Variants in CRKL observed in about 807,000 individuals in gnomAD.
CRKL encodes the protein crk-like protein.
CRKL carries 3 observed loss-of-function variants against 23.0 expected under a neutral mutation model. The observed-to-expected ratio is 0.13, with a 90% CI of 0.06 to 0.34. The LOEUF (loss-of-function observed/expected upper bound fraction) is 0.34. Among genes scored for constraint, CRKL ranks in the 10% least tolerant of loss-of-function variants. The probability of loss-of-function intolerance (pLI) is 1.00; values close to 1 mark genes in which losing one functional copy is unlikely to be tolerated. For synonymous variants in CRKL, 188 were observed against 160.7 expected (o/e 1.17, Z -1.28); for missense variants, 256 against 394.5 (o/e 0.65, Z 2.97).
At chr22:20,929,588 C>T (rs1393636676) in intron 1 of CRKL, among the ~76,000 whole-genome samples, 2 of 152,162 alleles carry the variant, frequency 1.3e-5, no homozygotes, top group Non-Finnish European at 2.9e-5. Context: ...CTCAGCCTCC[C>T]AAGTAGCTGG....
chr22:20,918,912 ACTT>A (rs1929789710), intron 1 of CRKL, among the ~76,000 whole-genome samples: 1 of 151,658 alleles, frequency 6.6e-6, no homozygotes. Context: ...TAAGCCATAG[ACTT>A]CTTTGAGAAT....
chr22:20,947,163 GA>G (rs57667345), intron 2 of CRKL, among the ~76,000 whole-genome samples: 116,289 of 151,896 alleles, frequency 0.77, 45,077 homozygotes, highest in East Asian at 0.92. Flanking sequence ...GTAGCTCCTT[GA>G]ATCCTGTGCT....
Position 20,918,920 on chromosome 22 carries a change from G to A in CRKL, c.311+675G>A, listed in dbSNP as rs562847924. Among the ~76,000 whole-genome samples the A allele has an allele frequency of 2.4e-4, 36 of 151,898 alleles. 1 individual carries two copies. The East Asian group carries it at 6.4e-3, about 27-fold the overall frequency. On this transcript the variant is annotated intron_variant, in intron 1 of 2. Coordinates refer to ENST00000354336, the MANE Select transcript of CRKL (RefSeq NM_005207.4). ...CCGTTTTTAAGCCATAGACTTCTTT[G>A]AGAATCTGAAGATAGCCGAGCACTC...
In CRKL at chr22:20,934,042, A is replaced by C; in HGVS notation, c.575A>C (p.Asn192Thr). ...TCCTCACCACACGGAAAGCATGGAAATAGGAATTCCAACAGTTATGGGATC... is the reference window on the plus strand; with the variant it reads ...TCCTCACCACACGGAAAGCATGGAACTAGGAATTCCAACAGTTATGGGATC... ...VRSSPHGKHG[N>T]RNSNSYGIPE... The change falls in exon 2 of 3, where the codon AAT (asparagine) becomes ACT (threonine). Residue 192 changes from asparagine (N) to threonine (T), a missense_variant. This residue lies in a region of CRKL where 129 missense variants were observed against 222.1 expected (regional missense o/e 0.58). Coordinates refer to ENST00000354336, the MANE Select transcript of CRKL (RefSeq NM_005207.4). 1 of 1,614,180 alleles carries C rather than the reference A, an allele frequency of 6.2e-7. No homozygotes were observed. The highest frequency in any genetic ancestry group is 8.5e-7 in the Non-Finnish European group (1 of 1,180,020).
rs1187984983 is a variant in CRKL at position 20,941,538 on chromosome 22, A to ATGTGTGTGTGTG, written c.777+7324_777+7335dup. The stretch of plus-strand genomic sequence containing the variant: ...GTATGTGTATATATATATATATTTT[A>ATGTGTGTGTGTG]TGTGTGTGTGTGTGTGTGTGTGTGT... On this transcript the variant is annotated intron_variant, in intron 2 of 2. Transcript: ENST00000354336. Among the ~76,000 whole-genome samples, 25 of 50,426 alleles carry ATGTGTGTGTGTG rather than the reference A, an allele frequency of 5.0e-4. 4 individuals carry two copies. Among genetic ancestry groups the ATGTGTGTGTGTG allele is most frequent in the South Asian group, 9.4e-4 (1 of 1,060 alleles). The allele number at this position is 50,426 out of a possible 152,430, so 33.1% of individuals were successfully genotyped here. A position where few individuals can be genotyped will look rare whatever the true frequency, so the allele number is the denominator to read the frequency against.
chr22:20,952,195 C>A lies in CRKL; in HGVS notation c.*2350C>A, dbSNP rs918636951. On this transcript the variant is annotated 3_prime_UTR_variant, in exon 3 of 3. Transcript: ENST00000354336. ...CCAGATTTAGCTGAAGGGCTTGACA[C>A]CTTTGAATTACAGCAGTTGACTCAG... 4.4e-6 allele frequency: 1 copy of A among 228,462 alleles called. No homozygotes were observed. Among genetic ancestry groups the A allele is most frequent in the Non-Finnish European group, 8.6e-6 (1 of 116,030 alleles). 14.2% of individuals were successfully genotyped at this position (228,462 alleles called of 1,614,324 possible).
intron 1 of CRKL, among the ~76,000 whole-genome samples, chr22:20,927,137 G>A (rs1473228186): frequency 0.037 from 2,993 of 81,160 alleles, 4 homozygotes; most frequent in African/African-American, 0.054. Flanking sequence ...AAAAAAAAAA[G>A]AATGGTGGTT....
chr22:20,927,259 C>T lies in CRKL; in HGVS notation c.312-6520C>T, dbSNP rs147302930. On this transcript the variant is annotated intron_variant, in intron 1 of 2. Transcript: ENST00000354336. ...AGGCTGAAGTGCAGTGGCATGATCT[C>T]GGTTCACTGCAGTCTCCACCTCCCG... Among the ~76,000 whole-genome samples, 703 of 121,246 alleles carry T rather than the reference C, an allele frequency of 5.8e-3. 4 individuals are homozygous for T. The highest frequency in any genetic ancestry group is 0.056 in the East Asian group (198 of 3,548). The allele number at this position is 121,246 out of a possible 152,430, so 79.5% of individuals were successfully genotyped here.
intron 1 of CRKL, among the ~76,000 whole-genome samples, chr22:20,927,404 C>A (rs1453880207): frequency 6.7e-6 from 1 of 149,296 alleles, no homozygotes; most frequent in Non-Finnish European, 1.5e-5. Flanking sequence ...TTGGACCAGG[C>A]TGGTCTCAAA....
Position 20,950,115 on chromosome 22 carries a change from T to G in CRKL, c.*270T>G, listed in dbSNP as rs766255001. ...ATGGAAGCACACAAGTGGAGAGAAG[T>G]TGACATGGAAAGGGTCTTCCTTCTC... On this transcript the variant is annotated 3_prime_UTR_variant, in exon 3 of 3. Coordinates refer to ENST00000354336, the MANE Select transcript of CRKL (RefSeq NM_005207.4). The G allele has an allele frequency of 2.3e-6, 1 of 442,540 alleles. No homozygotes were observed. Among genetic ancestry groups the G allele is most frequent in the Non-Finnish European group, 4.0e-6 (1 of 253,088 alleles). The allele number at this position is 442,540 out of a possible 1,614,324, so 27.4% of individuals were successfully genotyped here.
intron 2 of CRKL, among the ~76,000 whole-genome samples, chr22:20,937,204 GC>G (rs1425184827): frequency 6.6e-6 from 1 of 152,150 alleles, no homozygotes; most frequent in African/African-American, 2.4e-5. Context: ...ACAGGTGCAT[GC>G]CTCTGGCCTG....
intron 1 of CRKL, among the ~76,000 whole-genome samples, chr22:20,918,876 C>A (rs1929787943): frequency 6.6e-6 from 1 of 152,136 alleles, no homozygotes; most frequent in Admixed American, 6.5e-5. Context: ...AGGCGTGAGC[C>A]ACCACACCCG....
At chr22:20,943,427 G>A (rs1921948004) in intron 2 of CRKL, among the ~76,000 whole-genome samples, 2 of 152,016 alleles carry the variant, frequency 1.3e-5, no homozygotes, top group Non-Finnish European at 2.9e-5. Flanking sequence ...TTTTAGTAGA[G>A]ATGGGGTTTT....
rs1922362825 is a variant in CRKL at position 20,953,747 on chromosome 22, A to T, written c.*3902A>T. 5.5e-6 allele frequency: 1 copy of T among 181,842 alleles called. No homozygotes were observed. The highest frequency in any genetic ancestry group is 6.3e-5 in the Admixed American group (1 of 15,936). The allele number at this position is 181,842 out of a possible 1,614,324, so 11.3% of individuals were successfully genotyped here. A position where few individuals can be genotyped will look rare whatever the true frequency, so the allele number is the denominator to read the frequency against. On this transcript the variant is annotated 3_prime_UTR_variant, in exon 3 of 3. Transcript: ENST00000354336. Reference sequence around the variant, plus strand: ...ACTTGCATCAGCCGGTGGTGGCGGCAGCTTCGGTGTTTCAGTGTCTCCTCA... The same window carrying T: ...ACTTGCATCAGCCGGTGGTGGCGGCTGCTTCGGTGTTTCAGTGTCTCCTCA...
In CRKL at chr22:20,927,842, CAAAAAAAAAAAAAAA is replaced by C. The variant is rs796204860; in HGVS notation, c.312-5927_312-5913del. ...TGGGTAACAGAGCAAGACTCTGTCT[CAAAAAAAAAAAAAAA>C]AAAAAAAAAGGAAAAAGAGTAAGCC... On this transcript the variant is annotated intron_variant, in intron 1 of 2. Coordinates refer to ENST00000354336, the MANE Select transcript of CRKL (RefSeq NM_005207.4). Among the ~76,000 whole-genome samples, 49 of 56,264 alleles carry C rather than the reference CAAAAAAAAAAAAAAA, an allele frequency of 8.7e-4. 1 individual carries two copies. The highest frequency in any genetic ancestry group is 3.0e-3 in the African/African-American group (48 of 15,914). 36.9% of individuals were successfully genotyped at this position (56,264 alleles called of 152,430 possible). A position where few individuals can be genotyped will look rare whatever the true frequency, so the allele number is the denominator to read the frequency against.
chr22:20,940,566 CTTT>C (rs55853175), intron 2 of CRKL, among the ~76,000 whole-genome samples: 2 of 134,922 alleles, frequency 1.5e-5, no homozygotes, highest in Non-Finnish European at 3.1e-5. Flanking sequence ...TTTGGTGCTC[CTTT>C]TTTTTTTTTT....
chr22:20,922,572 G>A (rs1859054256), intron 1 of CRKL, among the ~76,000 whole-genome samples: 1 of 152,102 alleles, frequency 6.6e-6, no homozygotes, highest in South Asian at 2.1e-4. Context: ...GGGGATGAAG[G>A]GAAAGGGAAG....
chr22:20,924,764 T>G (rs1921131754), intron 1 of CRKL, among the ~76,000 whole-genome samples: 1 of 152,042 alleles, frequency 6.6e-6, no homozygotes, highest in South Asian at 2.1e-4. Flanking sequence ...CACTTGAACC[T>G]GGGGGGTGGA....
intron 2 of CRKL, among the ~76,000 whole-genome samples, chr22:20,946,445 G>C (rs1290763642): frequency 1.3e-5 from 2 of 152,146 alleles, no homozygotes; most frequent in Non-Finnish European, 2.9e-5. Flanking sequence ...TGCTAAGTGC[G>C]GCCAGCCACA....
Sources: allele counts gnomAD v4.1 joint callset (sites outside exome capture counted in the v4.1 genomes callset), GRCh38; gene constraint gnomAD v4.1.1; regional missense constraint gnomAD v4.1.1; transcripts MANE v1.5; gene names NCBI Gene and HGNC (gene_info 2026-07-23, HGNC 2026-07-21).